The following LHX3 variants were observed in gnomAD, a reference collection of about 807,000 sequenced individuals.
The protein encoded by LHX3 is LIM homeobox 3, also known as LIM/homeobox protein Lhx3.
A neutral mutation model predicts 32.4 loss-of-function variants in LHX3; 21 were observed. The ratio of observed to expected loss-of-function variants is 0.65; its 90% CI spans 0.46 to 0.93. The LOEUF (loss-of-function observed/expected upper bound fraction) is 0.93, where lower values mean the gene tolerates loss of function less well. Ranked by LOEUF, LHX3 falls within the 40% of genes least tolerant of loss-of-function variation. The probability of loss-of-function intolerance (pLI) is 0.00; values close to 1 mark genes in which losing one functional copy is unlikely to be tolerated. For synonymous variants in LHX3, 258 were observed against 246.8 expected (o/e 1.05, Z -0.43); for missense variants, 626 against 560.0 (o/e 1.12, Z -1.19).
At position 136,200,434 on chromosome 9, in the gene LHX3, A is replaced by G. The variant is rs1886296; in HGVS notation, c.251+148T>C. ...GCCCCACCCTTAATTTGGCCAGGCCACAGGGTGCCCTGCCTGGGTGACAGG... is the reference window on the plus strand; with the variant it reads ...GCCCCACCCTTAATTTGGCCAGGCCGCAGGGTGCCCTGCCTGGGTGACAGG... On this transcript the variant is annotated intron_variant, in intron 2 of 5. Coordinates refer to ENST00000371748, the MANE Select transcript of LHX3 (RefSeq NM_178138.6). 613,593 of 923,376 alleles carry G rather than the reference A, an allele frequency of 0.66. 206,159 individuals are homozygous for G. The highest frequency in any genetic ancestry group is 0.83 in the African/African-American group (51,271 of 61,562). 57.2% of individuals were successfully genotyped at this position (923,376 alleles called of 1,614,324 possible).
Position 136,200,012 on chromosome 9 carries a change from G to T in LHX3, c.252-132C>A, listed in dbSNP as rs1006018294. On this transcript the variant is annotated intron_variant, in intron 2 of 5. Transcript: ENST00000371748. ...AGGCTCTGTCCGGCCCTGCAGGGTG[G>T]TCGCCAGCCTGGCCGCCGGGGCAGA... The T allele has an allele frequency of 7.2e-6, 7 of 973,354 alleles. No homozygotes were observed. The African/African-American group carries it at 1.1e-4, about 16-fold the overall frequency. 60.3% of individuals were successfully genotyped at this position (973,354 alleles called of 1,614,324 possible).
chr9:136,197,728 G>T lies in LHX3; in HGVS notation c.791C>A (p.Ala264Glu). 2 of 1,602,482 alleles carry T rather than the reference G, an allele frequency of 1.2e-6. No homozygotes were observed. The highest frequency in any genetic ancestry group is 1.7e-4 in the Middle Eastern group (1 of 6,048). ...GAGGCCATTGGCCGGGCCCATTTCC[G>T]CCAAGGAAGGCTCATCTGCAACAGA... is the stretch of plus-strand genomic sequence containing the variant. ...EVSFPDEPSL[A>E]EMGPANGLYG... is the part of the protein sequence containing the mutation. Residue 264 changes from alanine (A) to glutamate (E), a missense_variant, in exon 6 of 6, where the codon GCG (alanine) becomes GAG (glutamate). Physicochemically the swap from Ala to Glu is moderately radical, Grantham distance 107. Transcript: ENST00000371748.
chr9:136,200,503 C>G, intron 2 of LHX3, 79 bp downstream of exon 2: 1 of 1,474,932 alleles, frequency 6.8e-7, no homozygotes, highest in Non-Finnish European at 9.3e-7. Context: ...AGGGCCTGGC[C>G]TTGGTGATTG....
At chr9:136,198,480 G>A (rs1485620251) in intron 5 of LHX3, among the ~76,000 whole-genome samples, 172 bp downstream of exon 5, 3 of 152,240 alleles carry the variant, frequency 2.0e-5, no homozygotes, top group Non-Finnish European at 2.9e-5. Flanking sequence ...TGGCCACCCA[G>A]GGCGGGGAGG....
chr9:136,203,534 G>A (rs1236845811), intron 1 of LHX3, among the ~76,000 whole-genome samples: 1 of 152,224 alleles, frequency 6.6e-6, no homozygotes, highest in African/African-American at 2.4e-5. Context: ...GGCCTCGGGA[G>A]CAGCAGATGG....
intron 1 of LHX3, chr9:136,203,294 C>T (rs1426102842): frequency 6.3e-6 from 2 of 315,684 alleles, no homozygotes; most frequent in Admixed American, 6.4e-5. Context: ...AGCGCCTTTG[C>T]GCCGGGACCT....
At chr9:136,201,472 C>T in intron 1 of LHX3, 2 of 1,210,482 alleles carry the variant, frequency 1.7e-6, no homozygotes, top group Non-Finnish European at 2.1e-6. Context: ...CTGGAGGAAC[C>T]ACACTGGGGA....
At position 136,197,247 on chromosome 9, in the gene LHX3, C is replaced by G; in HGVS notation, c.*78G>C. 1 of 1,512,080 alleles carries G rather than the reference C, an allele frequency of 6.6e-7. No homozygotes were observed. Among genetic ancestry groups the G allele is most frequent in the Non-Finnish European group, 9.1e-7 (1 of 1,099,816 alleles). 93.7% of individuals were successfully genotyped at this position (1,512,080 alleles called of 1,614,324 possible). A position where few individuals can be genotyped will look rare whatever the true frequency, so the allele number is the denominator to read the frequency against. ...CCTTGACGCCCTGGCCCCACTTCCTCGGAAACCCCAGCAGCCCCGAGCCGC... is the reference window on the plus strand; with the variant it reads ...CCTTGACGCCCTGGCCCCACTTCCTGGGAAACCCCAGCAGCCCCGAGCCGC... On this transcript the variant is annotated 3_prime_UTR_variant, in exon 6 of 6. Coordinates refer to ENST00000371748, the MANE Select transcript of LHX3 (RefSeq NM_178138.6).
intron 5 of LHX3, among the ~76,000 whole-genome samples, chr9:136,198,188 C>A (rs1831543018): frequency 6.6e-6 from 1 of 152,156 alleles, no homozygotes; most frequent in Admixed American, 6.5e-5. Flanking sequence ...CCCCGGTGCC[C>A]GGAGAATGAA....
chr9:136,201,690 G>A, intron 1 of LHX3: 2 of 987,810 alleles, frequency 2.0e-6, no homozygotes, highest in South Asian at 9.4e-5. Context: ...AGAGACACCA[G>A]GAAGGGGCTC....
chr9:136,196,961 A>G lies in LHX3; in HGVS notation c.*364T>C, dbSNP rs1306049760. 2.1e-5 allele frequency: 7 copies of G among 336,068 alleles called. No individual in the cohort carries two copies. Among genetic ancestry groups the G allele is most frequent in the Non-Finnish European group, 3.9e-5 (7 of 180,768 alleles). The allele number at this position is 336,068 out of a possible 1,614,324, so 20.8% of individuals were successfully genotyped here. ...TTATGATGATTTCTCAGTTTTAGAG[A>G]TGAAAGCGTTTTTCCAGCCCTCGGG... On this transcript the variant is annotated 3_prime_UTR_variant, in exon 6 of 6. Transcript: ENST00000371748.
At position 136,198,661 on chromosome 9, in the gene LHX3, AGAC is replaced by A; in HGVS notation, c.763_765del (p.Val255del). 5.6e-6 allele frequency: 9 copies of A among 1,598,744 alleles called. No individual in the cohort carries two copies. The highest frequency in any genetic ancestry group is 7.7e-6 in the Non-Finnish European group (9 of 1,174,798). On this transcript the variant is annotated inframe_deletion, in exon 5 of 6. Coordinates refer to ENST00000371748, the MANE Select transcript of LHX3 (RefSeq NM_178138.6). ...CGATCCCTCCGCCTACCGGGGAAGG[AGAC>A]CTCAGCGTCGCTGTCCTGCCCCTCC...
chr9:136,199,600 CG>C (rs1831586358), intron 3 of LHX3, 77 bp downstream of exon 3: 1 of 1,483,538 alleles, frequency 6.7e-7, no homozygotes, highest in Non-Finnish European at 9.4e-7. Flanking sequence ...AGAATTTCCC[CG>C]GACGCCCCCC....
At chr9:136,201,944 C>T (rs1831649466) in intron 1 of LHX3, among the ~76,000 whole-genome samples, 1 of 152,040 alleles carries the variant, frequency 6.6e-6, no homozygotes, top group African/African-American at 2.4e-5. Flanking sequence ...GCCTCGGCCG[C>T]AGCTCGCCGC....
intron 1 of LHX3, 21 bp downstream of exon 1, chr9:136,204,913 C>T: frequency 6.3e-7 from 1 of 1,583,288 alleles, no homozygotes; most frequent in Non-Finnish European, 8.6e-7. Flanking sequence ...TTTCTGTCCT[C>T]AGTGTCCTGC....
Position 136,200,591 on chromosome 9 carries a change from T to G in LHX3, c.242A>C (p.Asp81Ala), listed in dbSNP as rs1322613802. ...AGGTTTCGGGGCTCACTTGAAAAAG[T>G]CGTCCTTGCAGTAAACGCTCTCCCC... ...SRGESVYCKDDFFKRFGTKCA... is the reference protein window; with the variant it reads ...SRGESVYCKDAFFKRFGTKCA... Residue 81 changes from aspartate (D) to alanine (A), a missense_variant, in exon 2 of 6, where the codon GAC (aspartate) becomes GCC (alanine). Transcript: ENST00000371748. 1 of 1,613,404 alleles carries G rather than the reference T, an allele frequency of 6.2e-7. No individual in the cohort carries two copies. The highest frequency in any genetic ancestry group is 8.5e-7 in the Non-Finnish European group (1 of 1,180,006).
chr9:136,200,981 C>T (rs983695953), intron 1 of LHX3, among the ~76,000 whole-genome samples: 2 of 152,172 alleles, frequency 1.3e-5, no homozygotes, highest in African/African-American at 4.8e-5. Flanking sequence ...AAACTGACAT[C>T]GGTCTAAAAA....
At chr9:136,204,776 T>C (rs369430724) in intron 1 of LHX3, among the ~76,000 whole-genome samples, 158 bp downstream of exon 1, 2,661 of 152,274 alleles carry the variant, frequency 0.017, 37 homozygotes, top group Middle Eastern at 0.051. Flanking sequence ...CCCGCCACCC[T>C]GGGATCTGGA....
In LHX3 at chr9:136,203,159, C is replaced by T. The variant is rs1453056537; in HGVS notation, c.79+1775G>A. 3 of 1,312,588 alleles carry T rather than the reference C, an allele frequency of 2.3e-6. No individual in the cohort carries two copies. In the African/African-American group the frequency reaches 4.7e-5, roughly 21 times the overall value. 81.3% of individuals were successfully genotyped at this position (1,312,588 alleles called of 1,614,324 possible). A position where few individuals can be genotyped will look rare whatever the true frequency, so the allele number is the denominator to read the frequency against. ...ACTCCGGGTGCTGCTGGGCGCTGCGCCCGCGGGCCGCCCTGGGGCCCGGAG... is the reference window on the plus strand; with the variant it reads ...ACTCCGGGTGCTGCTGGGCGCTGCGTCCGCGGGCCGCCCTGGGGCCCGGAG... On this transcript the variant is annotated intron_variant, in intron 1 of 5. Transcript: ENST00000371748.
Sources: gnomAD v4.1 joint callset for allele counts (sites outside exome capture counted in the v4.1 genomes callset) on GRCh38, gnomAD v4.1.1 for gene constraint, MANE v1.5 for transcripts, NCBI Gene and HGNC (gene_info 2026-07-23, HGNC 2026-07-21) for gene names.